The following KCNIP4 variants were observed in gnomAD, a reference collection of about 807,000 sequenced individuals.
KCNIP4 encodes the protein potassium voltage-gated channel interacting protein 4.
In KCNIP4, 12 loss-of-function variants were observed where a neutral mutation model predicts 34.0. The ratio of observed to expected loss-of-function variants is 0.35; its 90% confidence interval spans 0.23 to 0.57. The LOEUF (loss-of-function observed/expected upper bound fraction) is 0.57, where lower values mean the gene tolerates loss of function less well. Ranked by LOEUF, KCNIP4 falls within the 20% of genes least tolerant of loss-of-function variation. The pLI is 0.83. For missense variants in KCNIP4, 238 were observed against 311.7 expected, an observed-to-expected ratio of 0.76 and a Z score of 1.78; for synonymous variants, 124 against 102.2, an observed-to-expected ratio of 1.21 and a Z score of -1.29.
chr4:21,095,455 G>A (rs1361511408), intron 1 of KCNIP4, among the ~76,000 whole-genome samples: 7 of 151,942 alleles, frequency 4.6e-5, no homozygotes, highest in African/African-American at 1.7e-4. Flanking sequence ...GTCACTCTAG[G>A]CATGGATCTA....
At position 21,330,978 on chromosome 4, in the gene KCNIP4, C is replaced by T. The variant is rs533760144; in HGVS notation, c.62-448269G>A. Reference sequence around the variant, plus strand: ...TTTAAAGCCCAACCTGGATCAGGACCGAAATTAAATAGGATTAACTCCTAA... The same window carrying T: ...TTTAAAGCCCAACCTGGATCAGGACTGAAATTAAATAGGATTAACTCCTAA... On this transcript the variant is annotated intron_variant, in intron 1 of 8. Coordinates refer to ENST00000382152, the MANE Select transcript of KCNIP4 (RefSeq NM_025221.6). Among the ~76,000 whole-genome samples, 12 of 152,196 alleles carry T rather than the reference C, an allele frequency of 7.9e-5. 1 individual carries two copies. The South Asian group carries it at 1.0e-3, about 13-fold the overall frequency.
intron 1 of KCNIP4, among the ~76,000 whole-genome samples, chr4:21,690,361 A>G (rs1751175351): frequency 1.3e-5 from 2 of 151,928 alleles, no homozygotes; most frequent in African/African-American, 4.8e-5. Context: ...TCCAAATCTC[A>G]TGTTGAAATG....
chr4:20,754,842 A>G (rs921798959), intron 4 of KCNIP4, among the ~76,000 whole-genome samples: 17 of 152,212 alleles, frequency 1.1e-4, no homozygotes, highest in Admixed American at 1.0e-3. Flanking sequence ...AAGTTTTAGT[A>G]TGTAATAACT....
rs1157963632 is a variant in KCNIP4, at chr4:20,729,824, A to ATTCTATTAC, written c.*249_*257dup. Reference sequence around the variant, plus strand: ...AGGAACCAATAAAACTATATGCCAGATTCTATTACTTTTGAATATTCACAG... The same window carrying ATTCTATTAC: ...AGGAACCAATAAAACTATATGCCAGATTCTATTACTTCTATTACTTTTGAATATTCACAG... On this transcript the variant is annotated 3_prime_UTR_variant, in exon 9 of 9. Transcript: ENST00000382152. 3 of 358,370 alleles carry ATTCTATTAC rather than the reference A, an allele frequency of 8.4e-6. No homozygotes were observed. Among genetic ancestry groups the ATTCTATTAC allele is most frequent in the Non-Finnish European group, 1.5e-5 (3 of 200,106 alleles). 22.2% of individuals were successfully genotyped at this position (358,370 alleles called of 1,614,324 possible).
intron 1 of KCNIP4, among the ~76,000 whole-genome samples, chr4:21,784,461 A>C (rs546005920): frequency 2.6e-5 from 4 of 152,212 alleles, no homozygotes; most frequent in Non-Finnish European, 5.9e-5. Flanking sequence ...CACATTTTAA[A>C]GAAAAACAAG....
At chr4:21,651,928 A>G (rs73800269) in intron 1 of KCNIP4, among the ~76,000 whole-genome samples, 2,669 of 152,308 alleles carry the variant, frequency 0.018, 86 homozygotes, top group African/African-American at 0.061. Flanking sequence ...TATAATTTGG[A>G]CAAATACCAG....
intron 1 of KCNIP4, among the ~76,000 whole-genome samples, chr4:21,591,891 A>G (rs1331280227): frequency 6.6e-6 from 1 of 152,228 alleles, no homozygotes; most frequent in Admixed American, 6.6e-5. Flanking sequence ...TATATGAAGA[A>G]AAGGAATTAA....
At chr4:21,558,116 G>C (rs1739223227) in intron 1 of KCNIP4, among the ~76,000 whole-genome samples, 1 of 152,164 alleles carries the variant, frequency 6.6e-6, no homozygotes, top group Non-Finnish European at 1.5e-5. Context: ...AAACCAGAGA[G>C]CACACTGCAT....
chr4:21,062,583 C>A (rs1387076196), intron 1 of KCNIP4, among the ~76,000 whole-genome samples: 2 of 151,694 alleles, frequency 1.3e-5, no homozygotes, highest in East Asian at 3.9e-4. Context: ...AAGAAACTGG[C>A]ACACAATTAT....
At chr4:21,687,074 A>C (rs1301836953) in intron 1 of KCNIP4, among the ~76,000 whole-genome samples, 2 of 144,914 alleles carry the variant, frequency 1.4e-5, no homozygotes, top group Non-Finnish European at 3.0e-5. Context: ...CAAGAACAAA[A>C]AACCAAACAC....
At chr4:21,083,541 G>A (rs1295707184) in intron 1 of KCNIP4, among the ~76,000 whole-genome samples, 1 of 151,726 alleles carries the variant, frequency 6.6e-6, no homozygotes. Context: ...TCTCAGTCTA[G>A]AGGGAGGCAG....
chr4:20,861,970 G>GTTGTTATTATTA (rs1491173071), intron 2 of KCNIP4, among the ~76,000 whole-genome samples: 1 of 142,110 alleles, frequency 7.0e-6, no homozygotes, highest in Admixed American at 7.2e-5. Flanking sequence ...TATGGTAGGA[G>GTTGTTATTATTA]TTATTATTAT....
At chr4:21,097,623 C>A (rs1577684752) in intron 1 of KCNIP4, among the ~76,000 whole-genome samples, 2 of 151,994 alleles carry the variant, frequency 1.3e-5, no homozygotes, top group Admixed American at 6.6e-5. Context: ...TTGTTTGGGG[C>A]ACCATAAACC....
chr4:21,274,776 C>G (rs1440371397), intron 1 of KCNIP4, among the ~76,000 whole-genome samples: 1 of 152,036 alleles, frequency 6.6e-6, no homozygotes, highest in Non-Finnish European at 1.5e-5. Flanking sequence ...TTAATACCAC[C>G]AAGTTTACTC....
chr4:21,491,622 C>T (rs757314146), intron 1 of KCNIP4, among the ~76,000 whole-genome samples: 6 of 152,108 alleles, frequency 3.9e-5, no homozygotes, highest in Non-Finnish European at 7.4e-5. Context: ...ATCCTCCTGC[C>T]TTGGCCTCCT....
At chr4:21,483,966 G>A (rs1412459745) in intron 1 of KCNIP4, among the ~76,000 whole-genome samples, 6 of 151,462 alleles carry the variant, frequency 4.0e-5, no homozygotes, top group Admixed American at 2.6e-4. Flanking sequence ...CCAGCATCAT[G>A]CTTCCTGTAC....
chr4:21,102,882 T>C (rs903273002), intron 1 of KCNIP4, among the ~76,000 whole-genome samples: 1 of 152,154 alleles, frequency 6.6e-6, no homozygotes, highest in Admixed American at 6.5e-5. Context: ...TAATTTCACT[T>C]TGTTTCCTTT....
chr4:21,044,052 A>G (rs1043959301), intron 1 of KCNIP4, among the ~76,000 whole-genome samples: 2 of 152,062 alleles, frequency 1.3e-5, no homozygotes, highest in African/African-American at 4.8e-5. Context: ...GGAGGCTTTG[A>G]CTTATCAAAC....
intron 1 of KCNIP4, among the ~76,000 whole-genome samples, chr4:21,474,604 T>C (rs541027514): frequency 6.6e-6 from 1 of 152,156 alleles, no homozygotes; most frequent in African/African-American, 2.4e-5. Flanking sequence ...TGATCATACC[T>C]TTCTGCAGAA....
Sources: allele counts gnomAD v4.1 joint callset (sites outside exome capture counted in the v4.1 genomes callset), GRCh38; gene constraint gnomAD v4.1.1; transcripts MANE v1.5; gene names NCBI Gene and HGNC (gene_info 2026-07-23, HGNC 2026-07-21).